The following SBNO1 variants were observed in gnomAD, a reference collection of about 807,000 sequenced individuals.
SBNO1 encodes the protein protein strawberry notch homolog 1.
A neutral mutation model predicts 173.6 loss-of-function variants in SBNO1; 23 were observed. The ratio of observed to expected loss-of-function variants is 0.13; its 90% confidence interval spans 0.10 to 0.19. SBNO1 has a LOEUF of 0.19. SBNO1 is among the 10% of genes least tolerant of loss of function. The probability of loss-of-function intolerance (pLI) is 1.00; values close to 1 mark genes in which losing one functional copy is unlikely to be tolerated. For missense variants in SBNO1, 1,238 were observed against 1,671.2 expected, an observed-to-expected ratio of 0.74 and a Z score of 4.52; for synonymous variants, 632 against 571.5, an observed-to-expected ratio of 1.11 and a Z score of -1.51.
Position 123,334,100 on chromosome 12 carries a change from C to G in SBNO1, c.862G>C (p.Gly288Arg). 6.2e-7 allele frequency: 1 copy of G among 1,603,752 alleles called. No individual in the cohort carries two copies. The highest frequency in any genetic ancestry group is 8.5e-7 in the Non-Finnish European group (1 of 1,176,012). The change falls in exon 7 of 32, where the codon GGC (glycine) becomes CGC (arginine). Residue 288 changes from glycine (G) to arginine (R), a missense_variant. Gly to Arg is a moderately radical substitution (Grantham distance 125). This residue lies in a region of SBNO1 where 78 missense variants were observed against 103.3 expected (regional missense o/e 0.76). Transcript: ENST00000602398. ...TSISEETIDN[G>R]WLSALQLEAI... ...TCAAGCTGCAATGCTGATAACCAGC[C>G]ATTATCAATGGTTTCCTCAGAAATG... is the stretch of plus-strand genomic sequence containing the variant.
At chr12:123,338,170 C>T (rs773898188) in intron 5 of SBNO1, among the ~76,000 whole-genome samples, 1 of 152,194 alleles carries the variant, frequency 6.6e-6, no homozygotes, top group Non-Finnish European at 1.5e-5. Flanking sequence ...GTCAGGTACT[C>T]CCATTTTTCA....
At chr12:123,312,532 C>T (rs1487931769) in intron 24 of SBNO1, among the ~76,000 whole-genome samples, 2 of 151,706 alleles carry the variant, frequency 1.3e-5, no homozygotes, top group East Asian at 1.9e-4. Flanking sequence ...GTCAACATGG[C>T]GAAACCCCAT....
rs75793970 is a variant in SBNO1, at chr12:123,301,922, G to A, written c.3845+902C>T. Among the ~76,000 whole-genome samples, 15 of 150,420 alleles carry A rather than the reference G, an allele frequency of 1.0e-4. No individual in the cohort carries two copies. In the East Asian group the frequency reaches 3.0e-3, roughly 30 times the overall value. ...AAAAAAACATGAAGGGAGAGTGACA[G>A]AAGGAGGGCGAAAAAGTGGTTTGTT... On this transcript the variant is annotated intron_variant, in intron 30 of 31. Coordinates refer to ENST00000602398, the MANE Select transcript of SBNO1 (RefSeq NM_001167856.3).
At chr12:123,319,799 A>G in intron 20 of SBNO1, 101 bp downstream of exon 20, 1 of 972,782 alleles carries the variant, frequency 1.0e-6, no homozygotes, top group Non-Finnish European at 1.6e-6. Flanking sequence ...ACAATACTCA[A>G]TGGACATGAC....
Position 123,334,283 on chromosome 12 carries a change from A to G in SBNO1, c.749-70T>C, listed in dbSNP as rs988054885. 4.3e-6 allele frequency: 4 copies of G among 926,486 alleles called. No homozygotes were observed. In the Admixed American group the frequency reaches 1.3e-4, roughly 30 times the overall value. The allele number at this position is 926,486 out of a possible 1,614,324, so 57.4% of individuals were successfully genotyped here. A position where few individuals can be genotyped will look rare whatever the true frequency, so the allele number is the denominator to read the frequency against. ...ATAACATTTCCAGTTTCATTATAAGATATTTCAATGTTTTTCTTATAACAT... is the reference window on the plus strand; with the variant it reads ...ATAACATTTCCAGTTTCATTATAAGGTATTTCAATGTTTTTCTTATAACAT... On this transcript the variant is annotated intron_variant, in intron 6 of 31. Coordinates refer to ENST00000602398, the MANE Select transcript of SBNO1 (RefSeq NM_001167856.3).
At chr12:123,354,619 A>C (rs1220890350) in intron 1 of SBNO1, among the ~76,000 whole-genome samples, 1 of 152,200 alleles carries the variant, frequency 6.6e-6, no homozygotes, top group Admixed American at 6.5e-5. Context: ...GCTCAAACTG[A>C]GAGAGCCCTT....
At position 123,311,081 on chromosome 12, in the gene SBNO1, C is replaced by T. The variant is rs1302009742; in HGVS notation, c.3269G>A (p.Arg1090His). ...TTTATCGAGAGTAAGAATTCCCGAG[C>T]GATCTTCTACATTTATCAGGCCAAC... ...IGVGLINVED[R>H]SGILTLDKDY... Residue 1090 changes from arginine to histidine, a missense_variant, in exon 25 of 32, where the codon CGC (arginine) becomes CAC (histidine). Physicochemically the swap from Arg to His is conservative, Grantham distance 29. Around this residue, in one of 14 missense-constraint regions of SBNO1, gnomAD observed 351 missense variants for 420.3 expected, o/e 0.84. Transcript: ENST00000602398. The T allele has an allele frequency of 1.2e-6, 2 of 1,613,220 alleles. No homozygotes were observed. The highest frequency in any genetic ancestry group is 1.7e-6 in the Non-Finnish European group (2 of 1,179,428).
intron 8 of SBNO1, 40 bp from the exon 9 acceptor site, chr12:123,330,549 T>C (rs1431769010): frequency 1.5e-5 from 17 of 1,134,062 alleles, no homozygotes; most frequent in Admixed American, 4.3e-5. Context: ...ATACAAATTA[T>C]ATCATTCTAG....
chr12:123,303,920 TTC>T (rs2048852103), intron 29 of SBNO1, among the ~76,000 whole-genome samples: 1 of 99,966 alleles, frequency 1.0e-5, no homozygotes, highest in African/African-American at 3.1e-5. Flanking sequence ...AAAATAAGTA[TTC>T]TTTTTTTTTT....
chr12:123,328,191 C>G (rs1414866048), intron 10 of SBNO1, among the ~76,000 whole-genome samples, 164 bp from the exon 11 acceptor site: 1 of 152,212 alleles, frequency 6.6e-6, no homozygotes, highest in Admixed American at 6.5e-5. Flanking sequence ...ACATCCTCCT[C>G]CCTCTCTAGC....
intron 7 of SBNO1, among the ~76,000 whole-genome samples, chr12:123,332,605 C>T (rs1168536106): frequency 4.0e-5 from 6 of 150,812 alleles, no homozygotes; most frequent in African/African-American, 1.2e-4. Flanking sequence ...CTCACTCTGT[C>T]GTCCAGGCTG....
intron 23 of SBNO1, 43 bp from the exon 24 acceptor site, chr12:123,313,762 G>A (rs1415888694): frequency 8.5e-7 from 1 of 1,172,656 alleles, no homozygotes; most frequent in Non-Finnish European, 1.3e-6. Context: ...TCAGCATTTG[G>A]ATACTCTTCA....
intron 6 of SBNO1, among the ~76,000 whole-genome samples, chr12:123,334,687 G>A (rs1871625027): frequency 6.6e-6 from 1 of 152,000 alleles, no homozygotes; most frequent in Non-Finnish European, 1.5e-5. Flanking sequence ...CAGCCTGAGT[G>A]ATGCAGTGAG....
intron 28 of SBNO1, among the ~76,000 whole-genome samples, chr12:123,306,635 T>A (rs2068712127): frequency 6.6e-6 from 1 of 152,082 alleles, no homozygotes; most frequent in Non-Finnish European, 1.5e-5. Context: ...AGAGGATGGA[T>A]CAAGCCCAGG....
intron 2 of SBNO1, among the ~76,000 whole-genome samples, chr12:123,349,928 T>A (rs1452685551): frequency 1.3e-5 from 2 of 148,930 alleles, no homozygotes; most frequent in South Asian, 2.1e-4. Context: ...AAAAAAAAAA[T>A]TAACACATGT....
At chr12:123,315,351 G>A in intron 23 of SBNO1, 22 bp downstream of exon 23, 1 of 1,562,754 alleles carries the variant, frequency 6.4e-7, no homozygotes, top group Non-Finnish European at 8.8e-7. Context: ...AGTTTTCAGA[G>A]ATACTGAAAA....
intron 1 of SBNO1, among the ~76,000 whole-genome samples, chr12:123,358,742 C>CAAAAAAAAAAA (rs1164585887): frequency 8.9e-5 from 7 of 78,400 alleles, no homozygotes; most frequent in African/African-American, 3.9e-4. Flanking sequence ...GACTCCGTCT[C>CAAAAAAAAAAA]AAAAAAAAAA....
rs753055725 is a variant in SBNO1, at chr12:123,325,582, C to T, written c.1893G>A (p.Leu631=). The T allele has an allele frequency of 5.2e-5, 84 of 1,609,286 alleles. 1 individual carries two copies. In the Admixed American group the frequency reaches 1.3e-3, roughly 25 times the overall value. ...ATGTTCTAGCTTCTCCTGTAGACTG[C>T]AGACCAATTACAACACACTGGAGAA... ...IKNGKCVVIG[L]QSTGEARTLE... is the part of the protein sequence containing the mutation. Residue 631 remains leucine, a synonymous_variant, in exon 15 of 32, where the codon CTG becomes CTA. Coordinates refer to ENST00000602398, the MANE Select transcript of SBNO1 (RefSeq NM_001167856.3).
rs369892466 is a variant in SBNO1, at chr12:123,297,928, C to T, written c.4039+50G>A. On this transcript the variant is annotated intron_variant, in intron 31 of 31. Coordinates refer to ENST00000602398, the MANE Select transcript of SBNO1 (RefSeq NM_001167856.3). ...AAGATATTAGCAATGAGAAAAAAGTCGGATCCGATTTTTTCCTGCAACTCA... is the reference window on the plus strand; with the variant it reads ...AAGATATTAGCAATGAGAAAAAAGTTGGATCCGATTTTTTCCTGCAACTCA... 97 of 1,556,652 alleles carry T rather than the reference C, an allele frequency of 6.2e-5. No homozygotes were observed. The African/African-American group carries it at 1.1e-3, about 17-fold the overall frequency.
Sources: gnomAD v4.1 joint callset for allele counts (sites outside exome capture counted in the v4.1 genomes callset) on GRCh38, gnomAD v4.1.1 for gene constraint, gnomAD v4.1.1 regional missense constraint, MANE v1.5 for transcripts, NCBI Gene and HGNC (gene_info 2026-07-23, HGNC 2026-07-21) for gene names.